Variants in ARHGAP40 observed in about 807,000 individuals in gnomAD.
ARHGAP40 encodes rho GTPase-activating protein 40.
In ARHGAP40, 43 loss-of-function variants were observed where a neutral mutation model predicts 73.5. The ratio of observed to expected loss-of-function variants is 0.58; its 90% CI spans 0.46 to 0.75. ARHGAP40 has a LOEUF of 0.75. Among genes scored for constraint, ARHGAP40 ranks in the 30% least tolerant of loss-of-function variants. The probability of loss-of-function intolerance (pLI) is 0.00; values close to 1 mark genes in which losing one functional copy is unlikely to be tolerated. For missense variants in ARHGAP40, 734 were observed against 861.8 expected, an observed-to-expected ratio of 0.85 and a Z score of 1.86; for synonymous variants, 300 against 352.8, an observed-to-expected ratio of 0.85 and a Z score of 1.68.
chr20:38,649,797 G>T, exon 15 of ARHGAP40: 1 of 1,305,226 alleles, frequency 7.7e-7, no homozygotes, highest in Non-Finnish European at 1.0e-6. Flanking sequence ...TCTTAGATCT[G>T]TACCGTGCCA....
chr20:38,625,827 G>A (rs2088895940), intron 2 of ARHGAP40, among the ~76,000 whole-genome samples: 1 of 152,194 alleles, frequency 6.6e-6, no homozygotes, highest in African/African-American at 2.4e-5. Flanking sequence ...TCCATTTATG[G>A]TGGGGATCTT....
rs1164578416 is a variant in ARHGAP40 at position 38,648,699 on chromosome 20, G to A, written c.1936+1G>A. On this transcript the variant is annotated splice_donor_variant, in intron 14 of 14. Transcript: ENST00000373345. LOFTEE classifies it high-confidence loss of function. ...CTCTATGAAGTTGGAGGGAATATCAGTAAGTTCCACTGTGGGAAACAGGAA... is the reference window on the plus strand; with the variant it reads ...CTCTATGAAGTTGGAGGGAATATCAATAAGTTCCACTGTGGGAAACAGGAA... 7.7e-7 allele frequency: 1 copy of A among 1,305,578 alleles called. No individual in the cohort carries two copies. The highest frequency in any genetic ancestry group is 1.0e-6 in the Non-Finnish European group (1 of 988,994). The allele number at this position is 1,305,578 out of a possible 1,614,324, so 80.9% of individuals were successfully genotyped here.
At chr20:38,632,293 C>T (rs954577858) in intron 5 of ARHGAP40, among the ~76,000 whole-genome samples, 6 of 151,332 alleles carry the variant, frequency 4.0e-5, no homozygotes, top group East Asian at 1.9e-4. Context: ...GACGGAGTCT[C>T]GCTCTATTGC....
At chr20:38,602,134 T>C (rs2088739116) in intron 1 of ARHGAP40, 55 bp downstream of exon 1, 8 of 1,237,858 alleles carry the variant, frequency 6.5e-6, no homozygotes, top group South Asian at 1.3e-5. Context: ...ACCAGGGGCA[T>C]GTGCGGTCTG....
At chr20:38,609,087 T>C (rs893395938) in intron 1 of ARHGAP40, among the ~76,000 whole-genome samples, 5 of 152,220 alleles carry the variant, frequency 3.3e-5, no homozygotes, top group Non-Finnish European at 7.3e-5. Context: ...TAATTCCATC[T>C]GCAACCTTCA....
chr20:38,621,342 T>C (rs2088872227), intron 1 of ARHGAP40, among the ~76,000 whole-genome samples: 1 of 152,216 alleles, frequency 6.6e-6, no homozygotes, highest in Non-Finnish European at 1.5e-5. Context: ...TAACAGATGG[T>C]ATTATTTGTG....
At position 38,624,242 on chromosome 20, in the gene ARHGAP40, G is replaced by T. The variant is rs561470474; in HGVS notation, c.337+684G>T. Among the ~76,000 whole-genome samples, 3 of 152,206 alleles carry T rather than the reference G, an allele frequency of 2.0e-5. No individual in the cohort carries two copies. In the South Asian group the frequency reaches 6.2e-4, roughly 32 times the overall value. On this transcript the variant is annotated intron_variant, in intron 2 of 14. Coordinates refer to ENST00000373345, the Ensembl canonical transcript of ARHGAP40. The stretch of plus-strand genomic sequence containing the variant: ...GGGCCTCATCTGGGATTATCATCTG[G>T]AATACCTGCATGAGGCCTCCACATG...
intron 1 of ARHGAP40, among the ~76,000 whole-genome samples, chr20:38,616,771 G>A (rs967381228): frequency 3.3e-5 from 5 of 152,092 alleles, no homozygotes; most frequent in Admixed American, 6.5e-5. Flanking sequence ...GGGAACATTT[G>A]GCAAGGTCTG....
intron 4 of ARHGAP40, among the ~76,000 whole-genome samples, 162 bp from the exon 5 acceptor site, chr20:38,629,340 A>G (rs772915791): frequency 1.3e-5 from 2 of 152,230 alleles, no homozygotes; most frequent in Non-Finnish European, 1.5e-5. Flanking sequence ...TTCCTGGGCA[A>G]TGAGCCTGAG....
At chr20:38,621,454 T>A (rs1383179919) in intron 1 of ARHGAP40, among the ~76,000 whole-genome samples, 1 of 152,190 alleles carries the variant, frequency 6.6e-6, no homozygotes, top group East Asian at 1.9e-4. Flanking sequence ...ATCCAGCTCC[T>A]CAGCAAAGAG....
intron 8 of ARHGAP40, 117 bp from the exon 9 acceptor site, chr20:38,639,110 G>T: frequency 9.3e-7 from 1 of 1,075,484 alleles, no homozygotes; most frequent in South Asian, 1.5e-5. Context: ...CCCCACGAGG[G>T]AGGTGCTCTT....
chr20:38,624,412 C>A (rs1409520765), intron 2 of ARHGAP40, among the ~76,000 whole-genome samples: 2 of 152,162 alleles, frequency 1.3e-5, no homozygotes, highest in Non-Finnish European at 2.9e-5. Flanking sequence ...ACCCTGCATG[C>A]AGCTATGTTC....
intron 1 of ARHGAP40, among the ~76,000 whole-genome samples, chr20:38,611,973 C>T (rs1321223956): frequency 6.6e-6 from 1 of 152,106 alleles, no homozygotes; most frequent in Non-Finnish European, 1.5e-5. Context: ...ATCCTCCTGC[C>T]TCAGCCTCCC....
intron 6 of ARHGAP40, among the ~76,000 whole-genome samples, chr20:38,635,080 C>G (rs1476394071): frequency 2.0e-5 from 3 of 151,992 alleles, no homozygotes; most frequent in African/African-American, 7.2e-5. Context: ...CGGGGTTTCA[C>G]CATGTTGGCC....
chr20:38,644,248 G>A (rs1263911434), intron 11 of ARHGAP40, among the ~76,000 whole-genome samples: 1 of 152,002 alleles, frequency 6.6e-6, no homozygotes, highest in African/African-American at 2.4e-5. Flanking sequence ...AGGATCACAG[G>A]GCCTGCCTAA....
In ARHGAP40 at chr20:38,649,650, A is replaced by G. The variant is rs567560028; in HGVS notation, c.1937-107A>G. The G allele has an allele frequency of 1.5e-5, 9 of 581,764 alleles. No individual in the cohort carries two copies. In the African/African-American group the frequency reaches 1.7e-4, roughly 11 times the overall value. The allele number at this position is 581,764 out of a possible 1,614,324, so 36.0% of individuals were successfully genotyped here. On this transcript the variant is annotated intron_variant, in intron 14 of 14. Transcript: ENST00000373345. Reference sequence around the variant, plus strand: ...GTAGCTGTGAGCTGTAGCAGTCAAGATGCATACAGCCAGGGGACAGTGCAC... The same window carrying G: ...GTAGCTGTGAGCTGTAGCAGTCAAGGTGCATACAGCCAGGGGACAGTGCAC...
At chr20:38,650,298 T>C (rs149755645) in exon 15 of ARHGAP40, 5 of 469,374 alleles carry the variant, frequency 1.1e-5, no homozygotes, top group African/African-American at 4.0e-5. Flanking sequence ...AAATTAAAAA[T>C]GCAGTACCTT....
At chr20:38,609,013 G>C (rs948862388) in intron 1 of ARHGAP40, among the ~76,000 whole-genome samples, 1 of 152,120 alleles carries the variant, frequency 6.6e-6, no homozygotes, top group Admixed American at 6.5e-5. Flanking sequence ...GGACCTTAGT[G>C]GTTTCATTGG....
intron 11 of ARHGAP40, among the ~76,000 whole-genome samples, chr20:38,644,699 T>A (rs574522915): frequency 8.2e-6 from 1 of 121,816 alleles, no homozygotes; most frequent in African/African-American, 3.1e-5. Context: ...AACTCCCCCA[T>A]CCACCCATAT....
Sources: gnomAD v4.1 joint callset for allele counts (sites outside exome capture counted in the v4.1 genomes callset) on GRCh38, gnomAD v4.1.1 for gene constraint, MANE v1.5 for transcripts, NCBI Gene and HGNC (gene_info 2026-07-23, HGNC 2026-07-21) for gene names.